Variants in NLRP7 observed in about 807,000 individuals in gnomAD.
NLRP7 encodes the protein NACHT, LRR and PYD domains-containing protein 7.
A neutral mutation model predicts 85.5 loss-of-function variants in NLRP7; 72 were observed. The observed-to-expected ratio is 0.84, with a 90% CI of 0.70 to 1.02. The LOEUF (loss-of-function observed/expected upper bound fraction) is 1.02, where lower values mean the gene tolerates loss of function less well. Ranked by LOEUF, NLRP7 falls within the 50% of genes least tolerant of loss-of-function variation. The pLI is 0.00. For synonymous variants in NLRP7, 550 were observed against 505.2 expected (o/e 1.09, Z -1.19); for missense variants, 1,243 against 1,219.5 (o/e 1.02, Z -0.29).
At chr19:54,937,987 G>A in intron 5 of NLRP7, 57 bp downstream of exon 5, 2 of 1,325,914 alleles carry the variant, frequency 1.5e-6, no homozygotes, top group South Asian at 1.2e-5. Flanking sequence ...AAAAACAAAA[G>A]TACAAGAAGC....
rs572326987 is a variant in NLRP7, at chr19:54,962,801, G to A, written c.-77+3239C>T. Among the ~76,000 whole-genome samples, 247 of 148,746 alleles carry A rather than the reference G, an allele frequency of 1.7e-3. 2 individuals carry two copies. The highest frequency in any genetic ancestry group is 8.1e-3 in the South Asian group (37 of 4,588). ...TTTTTAGTAGAGACGGGGTTTCACC[G>A]TGTTAGCCAGGATGGTCTCCATCTC... is the stretch of plus-strand genomic sequence containing the variant. On this transcript the variant is annotated intron_variant, in intron 1 of 2. Coordinates refer to the NLRP7 transcript ENST00000587103.
At chr19:54,954,407 G>A (rs1477652901) in intron 1 of NLRP7, among the ~76,000 whole-genome samples, 1 of 144,638 alleles carries the variant, frequency 6.9e-6, no homozygotes, top group Non-Finnish European at 1.5e-5. Context: ...GCGGGCGCCT[G>A]TAGTCCCAGC....
At chr19:54,923,840 T>C (rs2068321510) in exon 10 of NLRP7, 9 of 1,614,092 alleles carry the variant, frequency 5.6e-6, no homozygotes, top group Non-Finnish European at 7.6e-6. Flanking sequence ...CAACAGCTTC[T>C]TGATTTCCAA....
exon 10 of NLRP7, chr19:54,923,765 G>A: frequency 6.2e-7 from 1 of 1,613,640 alleles, no homozygotes; most frequent in Non-Finnish European, 8.5e-7. Context: ...ACAGCACGGA[G>A]GTGCCGTTGC....
At chr19:54,961,082 TA>T (rs1342107551) in intron 1 of NLRP7, among the ~76,000 whole-genome samples, 1 of 151,894 alleles carries the variant, frequency 6.6e-6, no homozygotes, top group Non-Finnish European at 1.5e-5. Context: ...TATTAAAATA[TA>T]AAATAATGGG....
At chr19:54,923,761 C>T (rs756224324) in exon 10 of NLRP7, 7 of 1,613,342 alleles carry the variant, frequency 4.3e-6, no homozygotes, top group Admixed American at 3.3e-5. Flanking sequence ...AGTCACAGCA[C>T]GGAGGTGCCG....
exon 4 of NLRP7, chr19:54,939,691 C>T (rs921169324): frequency 1.4e-5 from 23 of 1,613,416 alleles, no homozygotes; most frequent in Non-Finnish European, 1.7e-5. Context: ...CCTTCTCCAT[C>T]TGCAGCTTCA....
At chr19:54,926,714 G>A (rs269928) in intron 9 of NLRP7, among the ~76,000 whole-genome samples, 25,954 of 151,520 alleles carry the variant, frequency 0.17, 2,815 homozygotes, top group Non-Finnish European at 0.25. Flanking sequence ...TCAGGAGCTC[G>A]AGACCAGCCT....
chr19:54,955,205 T>C (rs1005049328), intron 1 of NLRP7, among the ~76,000 whole-genome samples: 1 of 151,876 alleles, frequency 6.6e-6, no homozygotes, highest in Non-Finnish European at 1.5e-5. Flanking sequence ...GGTGCGTGCC[T>C]GTAATCCCAG....
In NLRP7 at chr19:54,928,868, T is replaced by C. The variant is rs555886761; in HGVS notation, c.2810+1631A>G. Among the ~76,000 whole-genome samples, 267 of 152,126 alleles carry C rather than the reference T, an allele frequency of 1.8e-3. 1 individual carries two copies. Among genetic ancestry groups the C allele is most frequent in the South Asian group, 1.0e-2 (48 of 4,818 alleles). On this transcript the variant is annotated intron_variant, in intron 9 of 9. Transcript: ENST00000340844. ...CCAAGGCTGGAGTGCAATGGCGTGATCTCGGCTCACTGCAACCTCCGCCTC... is the reference window on the plus strand; with the variant it reads ...CCAAGGCTGGAGTGCAATGGCGTGACCTCGGCTCACTGCAACCTCCGCCTC...
chr19:54,931,234 C>T (rs1425647339), intron 8 of NLRP7, among the ~76,000 whole-genome samples: 1 of 152,080 alleles, frequency 6.6e-6, no homozygotes, highest in Non-Finnish European at 1.5e-5. Context: ...CCAGCCTGGC[C>T]AACATGGTGA....
chr19:54,928,309 C>T (rs1236652505), intron 9 of NLRP7, among the ~76,000 whole-genome samples: 1 of 152,074 alleles, frequency 6.6e-6, no homozygotes, highest in Non-Finnish European at 1.5e-5. Context: ...GCAGGAGAAT[C>T]GCCTGAACCA....
intron 8 of NLRP7, 41 bp from the exon 9 acceptor site, chr19:54,930,707 G>A (rs1165742392): frequency 6.4e-7 from 1 of 1,565,540 alleles, no homozygotes; most frequent in South Asian, 1.1e-5. Context: ...TTATCCCTCT[G>A]GCTAACGCCC....
chr19:54,959,283 C>T (rs1400974407), intron 1 of NLRP7, among the ~76,000 whole-genome samples: 6 of 150,508 alleles, frequency 4.0e-5, no homozygotes, highest in Admixed American at 6.7e-5. Flanking sequence ...GGATTACAGG[C>T]GCACGCCACC....
In NLRP7 at chr19:54,941,481, C is replaced by G. The variant is rs554054065; in HGVS notation, c.231G>C (p.Glu77Asp). The G allele has an allele frequency of 6.2e-6, 10 of 1,609,682 alleles. No individual in the cohort carries two copies. In the East Asian group the frequency reaches 2.0e-4, roughly 32 times the overall value. ...TCTTACACAATTCCGTGAGATTCATCTCTTCCAAGATGTTCACAGTCGCAT... is the reference window on the plus strand; with the variant it reads ...TCTTACACAATTCCGTGAGATTCATGTCTTCCAAGATGTTCACAGTCGCAT... Residue 77 changes from glutamate (E) to aspartate (D), a missense_variant, in exon 2 of 10, where the codon GAG becomes GAC. Glu to Asp is a conservative substitution (Grantham distance 45). This residue lies in a region of NLRP7 where 591 missense variants were observed against 563.3 expected (regional missense o/e 1.05). Transcript: ENST00000340844.
intron 1 of NLRP7, among the ~76,000 whole-genome samples, chr19:54,957,885 C>G (rs2069909932): frequency 6.6e-6 from 1 of 152,018 alleles, no homozygotes. Context: ...CAAGACTGGC[C>G]CGGTGTACAA....
intron 6 of NLRP7, among the ~76,000 whole-genome samples, chr19:54,935,459 G>A (rs137966607): frequency 1.3e-5 from 2 of 152,220 alleles, no homozygotes; most frequent in African/African-American, 4.8e-5. Context: ...ACTTTGGGAG[G>A]CCGAGACAGG....
upstream of NLRP7, chr19:54,947,824 G>T: frequency 3.2e-6 from 1 of 309,262 alleles, no homozygotes; most frequent in Non-Finnish European, 6.4e-6. Flanking sequence ...GTTTTGCAGG[G>T]TACCTGGCTC....
At chr19:54,962,608 G>C (rs2070086712) in intron 1 of NLRP7, among the ~76,000 whole-genome samples, 3 of 146,064 alleles carry the variant, frequency 2.1e-5, no homozygotes. Flanking sequence ...TTTTTTGTTT[G>C]TTTGTTTTTG....
Sources: allele counts gnomAD v4.1 joint callset (sites outside exome capture counted in the v4.1 genomes callset), GRCh38; gene constraint gnomAD v4.1.1; regional missense constraint gnomAD v4.1.1; transcripts MANE v1.5; gene names NCBI Gene and HGNC (gene_info 2026-07-23, HGNC 2026-07-21).